The following COL24A1 variants were observed in gnomAD, a reference collection of about 807,000 sequenced individuals.
COL24A1 encodes collagen type XXIV alpha 1 chain.
A neutral mutation model predicts 253.9 loss-of-function variants in COL24A1; 224 were observed. That is an observed-to-expected ratio of 0.88 (90% confidence interval 0.79 to 0.99). The LOEUF is 0.99. COL24A1 is among the 50% of genes least tolerant of loss of function. The pLI, the probability that COL24A1 is intolerant of heterozygous loss-of-function variation, is 0.00. For synonymous variants in COL24A1, 685 were observed against 673.7 expected (o/e 1.02, Z -0.26); for missense variants, 2,131 against 2,068.5 (o/e 1.03, Z -0.59).
At chr1:86,111,087 G>A (rs945862427) in intron 5 of COL24A1, among the ~76,000 whole-genome samples, 6 of 152,188 alleles carry the variant, frequency 3.9e-5, no homozygotes, top group Admixed American at 6.5e-5. Flanking sequence ...TCTGTGTCTA[G>A]CTCCGGGTTT....
intron 2 of COL24A1, among the ~76,000 whole-genome samples, chr1:86,134,606 A>G (rs1325715855): frequency 6.6e-6 from 1 of 150,472 alleles, no homozygotes; most frequent in African/African-American, 2.4e-5. Context: ...TTCGGTATGT[A>G]CCCAGTAGTC....
chr1:86,031,200 G>A (rs1321802486), intron 14 of COL24A1, among the ~76,000 whole-genome samples: 1 of 152,070 alleles, frequency 6.6e-6, no homozygotes, highest in African/African-American at 2.4e-5. Context: ...GGCACAGAAA[G>A]GTAACTAACA....
intron 24 of COL24A1, among the ~76,000 whole-genome samples, chr1:85,937,474 A>G (rs149634184): frequency 9.5e-5 from 14 of 147,804 alleles, no homozygotes; most frequent in African/African-American, 3.5e-4. Context: ...AGATCTTTGT[A>G]TCACATGTCA....
chr1:85,784,779 G>A (rs1375758275), intron 48 of COL24A1, among the ~76,000 whole-genome samples: 1 of 152,094 alleles, frequency 6.6e-6, no homozygotes, highest in Non-Finnish European at 1.5e-5. Flanking sequence ...TGCCCAGGCT[G>A]TAGTGCAGTG....
Position 86,156,451 on chromosome 1 carries a change from G to T in COL24A1, c.-55C>A, listed in dbSNP as rs1194102909. On this transcript the variant is annotated 5_prime_UTR_variant, in exon 1 of 60. It introduces an in-frame stop codon into an upstream open reading frame of the 5' UTR. Coordinates refer to ENST00000370571, the MANE Select transcript of COL24A1 (RefSeq NM_152890.7). ...CTAACGGAAAACAGAAGCCAACTCT[G>T]AACTGCTTAGGGTGCAGGTACTGTC... The T allele has an allele frequency of 3.9e-6, 6 of 1,554,318 alleles. No individual in the cohort carries two copies. In the African/African-American group the frequency reaches 8.2e-5, roughly 21 times the overall value.
At chr1:86,051,816 A>C (rs1700326000) in intron 10 of COL24A1, among the ~76,000 whole-genome samples, 2 of 152,154 alleles carry the variant, frequency 1.3e-5, no homozygotes, top group Admixed American at 6.5e-5. Context: ...AACCACTGAT[A>C]GAAATATGGA....
chr1:85,732,931 C>G (rs1427636840), intron 59 of COL24A1, among the ~76,000 whole-genome samples: 1 of 152,078 alleles, frequency 6.6e-6, no homozygotes, highest in East Asian at 1.9e-4. Context: ...CAACAGACAG[C>G]CAGTGAAAGC....
intron 10 of COL24A1, among the ~76,000 whole-genome samples, chr1:86,054,163 A>C (rs988587867): frequency 1.3e-5 from 2 of 152,150 alleles, no homozygotes; most frequent in African/African-American, 2.4e-5. Flanking sequence ...TGAATTAAAG[A>C]CTTAGTATGT....
At chr1:85,746,772 C>T (rs1224407215) in intron 55 of COL24A1, among the ~76,000 whole-genome samples, 1 of 152,170 alleles carries the variant, frequency 6.6e-6, no homozygotes, top group Non-Finnish European at 1.5e-5. Flanking sequence ...ACAGAAGGAG[C>T]ATGGACTATT....
chr1:86,125,744 C>T lies in COL24A1; in HGVS notation c.592G>A (p.Asp198Asn). ...TETIPEVQTF[D>N]SNSVFTLGSM... ...CCTAAAGTAAACACACTATTAGAAT[C>T]AAAGGTCTGAACTTCTGGAATAGTC... is the stretch of plus-strand genomic sequence containing the variant. Residue 198 changes from aspartate (D) to asparagine (N), a missense_variant, in exon 3 of 60, where the codon GAT becomes AAT. Asp to Asn is a conservative substitution (Grantham distance 23, BLOSUM62 1). Transcript: ENST00000370571. The T allele has an allele frequency of 1.3e-5, 21 of 1,610,904 alleles. No individual in the cohort carries two copies. The highest frequency in any genetic ancestry group is 1.7e-5 in the Non-Finnish European group (20 of 1,178,708).
At chr1:85,986,226 G>A (rs757348820) in intron 20 of COL24A1, among the ~76,000 whole-genome samples, 33 of 151,492 alleles carry the variant, frequency 2.2e-4, no homozygotes, top group Non-Finnish European at 4.7e-4. Flanking sequence ...CTTGAAAGTA[G>A]GGATCTCTGT....
chr1:86,075,538 T>C (rs867925073), intron 7 of COL24A1, among the ~76,000 whole-genome samples: 1 of 152,188 alleles, frequency 6.6e-6, no homozygotes, highest in South Asian at 2.1e-4. Context: ...CCTTAACTCA[T>C]TTTATGAGGC....
At position 85,784,297 on chromosome 1, in the gene COL24A1, G is replaced by A; in HGVS notation, c.4129C>T (p.Gln1377Ter). The A allele has an allele frequency of 6.2e-7, 1 of 1,614,068 alleles. No individual in the cohort carries two copies. The highest frequency in any genetic ancestry group is 8.5e-7 in the Non-Finnish European group (1 of 1,179,962). ...KRGHRGAQGDQGPCGDPGLKG... is the reference protein window; with the variant it reads ...KRGHRGAQGD ...AGGCCAGGGTCTCCACATGGTCCTT[G>A]ATCACCTTGTGCTCCTCGGTGACCT... Residue 1377 changes from glutamine to a stop codon, truncating the protein, a stop_gained, in exon 49 of 60, where the codon CAA (glutamine) becomes TAA (stop). Coordinates refer to ENST00000370571, the MANE Select transcript of COL24A1 (RefSeq NM_152890.7). LOFTEE classifies it high-confidence loss of function.
At chr1:85,746,652 C>A (rs1339762252) in intron 55 of COL24A1, among the ~76,000 whole-genome samples, 1 of 151,994 alleles carries the variant, frequency 6.6e-6, no homozygotes, top group Non-Finnish European at 1.5e-5. Context: ...GAAGGCTTCC[C>A]TGAGGTAGTA....
At chr1:86,084,568 G>A (rs1051315518) in intron 7 of COL24A1, among the ~76,000 whole-genome samples, 152 of 152,282 alleles carry the variant, frequency 1.0e-3, no homozygotes, top group African/African-American at 3.5e-3. Context: ...CAGAAAAACA[G>A]TATGATAGAT....
intron 24 of COL24A1, among the ~76,000 whole-genome samples, chr1:85,954,639 C>T (rs1690251102): frequency 6.6e-6 from 1 of 152,066 alleles, no homozygotes; most frequent in Non-Finnish European, 1.5e-5. Flanking sequence ...ATTTTTTTAT[C>T]ATATTCAGGT....
At chr1:85,789,111 T>C (rs557341742) in intron 47 of COL24A1, among the ~76,000 whole-genome samples, 1 of 152,280 alleles carries the variant, frequency 6.6e-6, no homozygotes, top group African/African-American at 2.4e-5. Flanking sequence ...ATGTCAATGG[T>C]AGTTTTATGG....
chr1:86,078,407 C>A (rs957090866), intron 7 of COL24A1, among the ~76,000 whole-genome samples: 2 of 152,056 alleles, frequency 1.3e-5, no homozygotes, highest in African/African-American at 4.8e-5. Context: ...GACAAGGATG[C>A]CCACTTTCTC....
intron 37 of COL24A1, among the ~76,000 whole-genome samples, chr1:85,864,317 G>A (rs539474286): frequency 1.8e-3 from 264 of 150,550 alleles, no homozygotes; most frequent in African/African-American, 5.7e-3. Context: ...ACCAAACACC[G>A]CATGTTCTCA....
Sources: allele counts gnomAD v4.1 joint callset (sites outside exome capture counted in the v4.1 genomes callset), GRCh38; gene constraint gnomAD v4.1.1; transcripts MANE v1.5; gene names NCBI Gene and HGNC (gene_info 2026-07-23, HGNC 2026-07-21).